Variants in ZMAT4 observed in about 807,000 individuals in gnomAD.
ZMAT4 encodes the protein zinc finger matrin-type protein 4.
ZMAT4 carries 17 observed loss-of-function variants against 28.7 expected under a neutral mutation model. The ratio of observed to expected loss-of-function variants is 0.59; its 90% CI spans 0.41 to 0.89. ZMAT4 has a LOEUF of 0.89. ZMAT4 is among the 40% of genes least tolerant of loss of function. ZMAT4 has a pLI of 0.00. For synonymous variants in ZMAT4, 117 were observed against 109.2 expected, an observed-to-expected ratio of 1.07 and a Z score of -0.44; for missense variants, 240 against 283.8, an observed-to-expected ratio of 0.85 and a Z score of 1.11.
chr8:40,746,738 A>G (rs567516301), intron 3 of ZMAT4, among the ~76,000 whole-genome samples: 2 of 152,052 alleles, frequency 1.3e-5, no homozygotes, highest in South Asian at 4.2e-4. Context: ...TTCCCTAAAA[A>G]CCGCACATGG....
intron 4 of ZMAT4, among the ~76,000 whole-genome samples, chr8:40,677,178 C>T (rs17561020): frequency 0.34 from 52,263 of 151,952 alleles, 10,211 homozygotes; most frequent in Non-Finnish European, 0.44. Context: ...AGGAGTGAGG[C>T]ACAATAGAAT....
At chr8:40,699,293 G>T (rs1296759807) in intron 3 of ZMAT4, among the ~76,000 whole-genome samples, 2 of 152,080 alleles carry the variant, frequency 1.3e-5, no homozygotes. Context: ...ACATGCTGGA[G>T]GATATATATT....
intron 2 of ZMAT4, among the ~76,000 whole-genome samples, chr8:40,783,569 A>G (rs1393088880): frequency 3.9e-5 from 6 of 152,224 alleles, no homozygotes; most frequent in Non-Finnish European, 8.8e-5. Context: ...TAAACTTCAT[A>G]GTATTTATAT....
chr8:40,541,202 C>T (rs958339498), intron 6 of ZMAT4, among the ~76,000 whole-genome samples: 2 of 152,184 alleles, frequency 1.3e-5, no homozygotes, highest in African/African-American at 2.4e-5. Flanking sequence ...ACATGAGCCT[C>T]GGTTTTAGGC....
At chr8:40,779,019 C>T (rs1336644267) in intron 2 of ZMAT4, among the ~76,000 whole-genome samples, 1 of 152,130 alleles carries the variant, frequency 6.6e-6, no homozygotes, top group Non-Finnish European at 1.5e-5. Flanking sequence ...TATGGTTTGG[C>T]TGTGTCACCA....
chr8:40,634,252 A>C (rs1379187753), intron 5 of ZMAT4, among the ~76,000 whole-genome samples: 2 of 152,262 alleles, frequency 1.3e-5, no homozygotes, highest in Admixed American at 1.3e-4. Context: ...AGCTTTAAAC[A>C]GCACTGGACT....
chr8:40,623,484 A>G (rs962622125), intron 5 of ZMAT4, among the ~76,000 whole-genome samples: 7 of 152,230 alleles, frequency 4.6e-5, no homozygotes, highest in African/African-American at 1.7e-4. Flanking sequence ...CTGATATCCA[A>G]GTTACTCACA....
chr8:40,783,936 G>A (rs750689245), intron 2 of ZMAT4, among the ~76,000 whole-genome samples: 11 of 152,212 alleles, frequency 7.2e-5, no homozygotes, highest in East Asian at 1.9e-4. Flanking sequence ...GCTTGAACCC[G>A]TAAGGCGGAG....
intron 5 of ZMAT4, among the ~76,000 whole-genome samples, chr8:40,641,549 T>C (rs763753707): frequency 6.6e-5 from 10 of 152,212 alleles, no homozygotes; most frequent in Non-Finnish European, 1.0e-4. Context: ...ATTGGCATAC[T>C]AAAAGCTATA....
chr8:40,680,031 G>A (rs1264452261), intron 4 of ZMAT4, among the ~76,000 whole-genome samples: 1 of 152,110 alleles, frequency 6.6e-6, no homozygotes, highest in African/African-American at 2.4e-5. Flanking sequence ...ATCTGACAAG[G>A]CCCTGGTGGC....
At chr8:40,536,806 G>A (rs914432824) in intron 6 of ZMAT4, among the ~76,000 whole-genome samples, 1 of 151,994 alleles carries the variant, frequency 6.6e-6, no homozygotes, top group African/African-American at 2.4e-5. Flanking sequence ...TTAAGAAAAT[G>A]CCCAAGCTAC....
At chr8:40,535,270 C>G (rs1165799138) in intron 6 of ZMAT4, among the ~76,000 whole-genome samples, 1 of 152,174 alleles carries the variant, frequency 6.6e-6, no homozygotes, top group Non-Finnish European at 1.5e-5. Flanking sequence ...CTTCTTCCAC[C>G]ACTAGTCTTT....
intron 3 of ZMAT4, among the ~76,000 whole-genome samples, chr8:40,748,025 A>C (rs972925322): frequency 6.6e-6 from 1 of 152,246 alleles, no homozygotes; most frequent in South Asian, 2.1e-4. Context: ...TATAATGACT[A>C]TCTAAAATTA....
intron 4 of ZMAT4, among the ~76,000 whole-genome samples, chr8:40,688,565 C>G (rs951669172): frequency 6.6e-6 from 1 of 152,168 alleles, no homozygotes; most frequent in African/African-American, 2.4e-5. Flanking sequence ...AATACACTTA[C>G]AAACCTTAGG....
chr8:40,630,964 T>C (rs977861307), intron 5 of ZMAT4, among the ~76,000 whole-genome samples: 1 of 125,234 alleles, frequency 8.0e-6, no homozygotes. Context: ...ATGAAAATAT[T>C]AATTAGAAAT....
chr8:40,752,085 C>A (rs1024875949), intron 3 of ZMAT4, among the ~76,000 whole-genome samples: 14 of 152,148 alleles, frequency 9.2e-5, no homozygotes, highest in Admixed American at 3.3e-4. Context: ...GTTTAAGTAA[C>A]CCCAGTCCTC....
intron 5 of ZMAT4, among the ~76,000 whole-genome samples, chr8:40,617,056 G>T (rs529000440): frequency 3.3e-4 from 50 of 152,232 alleles, no homozygotes; most frequent in Admixed American, 5.2e-4. Context: ...TAGACCCTGA[G>T]CTTTGAGAAG....
chr8:40,790,534 T>C (rs1338960979), intron 2 of ZMAT4, among the ~76,000 whole-genome samples: 3 of 152,172 alleles, frequency 2.0e-5, no homozygotes, highest in Non-Finnish European at 4.4e-5. Context: ...TTAAATACCA[T>C]TTATAATACT....
At chr8:40,622,541 G>A (rs1366731062) in intron 5 of ZMAT4, among the ~76,000 whole-genome samples, 1 of 152,190 alleles carries the variant, frequency 6.6e-6, no homozygotes, top group African/African-American at 2.4e-5. Flanking sequence ...TGCTAAAGAG[G>A]GGATTATCTT....
Sources: gnomAD v4.1 joint callset for allele counts (sites outside exome capture counted in the v4.1 genomes callset) on GRCh38, gnomAD v4.1.1 for gene constraint, MANE v1.5 for transcripts, NCBI Gene and HGNC (gene_info 2026-07-23, HGNC 2026-07-21) for gene names.